NCOA5: variants seen among roughly 807,000 people sequenced by gnomAD.
The protein encoded by NCOA5 is nuclear receptor coactivator 5.
NCOA5 carries 12 observed loss-of-function variants against 59.0 expected under a neutral mutation model. The ratio of observed to expected loss-of-function variants is 0.20; its 90% CI spans 0.13 to 0.33. The LOEUF is 0.33. Ranked by LOEUF, NCOA5 falls within the 10% of genes least tolerant of loss-of-function variation. The probability of loss-of-function intolerance (pLI) is 1.00; values close to 1 mark genes in which losing one functional copy is unlikely to be tolerated. For synonymous variants in NCOA5, 270 were observed against 275.5 expected (o/e 0.98, Z 0.20); for missense variants, 655 against 766.6 (o/e 0.85, Z 1.72).
At chr20:46,083,531 G>T (rs1187815400) in intron 1 of NCOA5, among the ~76,000 whole-genome samples, 1 of 152,128 alleles carries the variant, frequency 6.6e-6, no homozygotes, top group Non-Finnish European at 1.5e-5. Flanking sequence ...TCTAAACTAA[G>T]TGTGCTGTAA....
At chr20:46,077,074 C>T (rs933680141) in intron 2 of NCOA5, among the ~76,000 whole-genome samples, 15 of 152,194 alleles carry the variant, frequency 9.9e-5, no homozygotes, top group Middle Eastern at 3.4e-3. Flanking sequence ...AGAGCCATGA[C>T]GCCCGGCTAT....
At chr20:46,077,371 T>C (rs1423143924) in intron 2 of NCOA5, among the ~76,000 whole-genome samples, 6 of 152,216 alleles carry the variant, frequency 3.9e-5, no homozygotes, top group African/African-American at 7.2e-5. Flanking sequence ...ACCAGGGAAG[T>C]TGGTCATTCC....
chr20:46,062,110 A>C lies in NCOA5; in HGVS notation c.*190T>G. On this transcript the variant is annotated 3_prime_UTR_variant, in exon 8 of 8. Transcript: ENST00000290231. ...AAAACAAAAAAAGATACAGCCCCAA[A>C]TGCAGTATAAACTTTGTAAGGAATA... 2 of 523,306 alleles carry C rather than the reference A, an allele frequency of 3.8e-6. No individual in the cohort carries two copies. The highest frequency in any genetic ancestry group is 6.7e-6 in the Non-Finnish European group (2 of 298,138). The allele number at this position is 523,306 out of a possible 1,614,324, so 32.4% of individuals were successfully genotyped here.
At chr20:46,076,984 C>T (rs552971441) in intron 2 of NCOA5, among the ~76,000 whole-genome samples, 74 of 152,244 alleles carry the variant, frequency 4.9e-4, no homozygotes, top group Admixed American at 1.2e-3. Flanking sequence ...GGTGTGATCA[C>T]GGCTCACTGC....
At position 46,063,402 on chromosome 20, in the gene NCOA5, G is replaced by A; in HGVS notation, c.1108C>T (p.Arg370Trp). The change falls in exon 7 of 8, where the codon CGG becomes TGG. Residue 370 changes from arginine to tryptophan, a missense_variant. Coordinates refer to ENST00000290231, the MANE Select transcript of NCOA5 (RefSeq NM_020967.3). Reference sequence around the variant, plus strand: ...CTGCTCCTCATCAGCCGCTCCTTCCGCTCTCGCAGGTAGTTGATGATCTTG... The same window carrying A: ...CTGCTCCTCATCAGCCGCTCCTTCCACTCTCGCAGGTAGTTGATGATCTTG... ...TDKIINYLRE[R>W]KERLMRSSTD... The A allele has an allele frequency of 2.5e-6, 4 of 1,613,862 alleles. No homozygotes were observed. The highest frequency in any genetic ancestry group is 2.2e-5 in the South Asian group (2 of 91,066).
intron 2 of NCOA5, among the ~76,000 whole-genome samples, chr20:46,073,860 G>C (rs1032576305): frequency 6.6e-6 from 1 of 152,124 alleles, no homozygotes; most frequent in African/African-American, 2.4e-5. Context: ...CTCTAGATTC[G>C]CAAAGTCTGG....
rs1288835116 is a variant in NCOA5, at chr20:46,061,274, G to C, written c.*1026C>G. 2 of 152,634 alleles carry C rather than the reference G, an allele frequency of 1.3e-5. No individual in the cohort carries two copies. The highest frequency in any genetic ancestry group is 6.5e-5 in the Admixed American group (1 of 15,272). 9.5% of individuals were successfully genotyped at this position (152,634 alleles called of 1,614,324 possible). A position where few individuals can be genotyped will look rare whatever the true frequency, so the allele number is the denominator to read the frequency against. On this transcript the variant is annotated 3_prime_UTR_variant, in exon 8 of 8. Coordinates refer to ENST00000290231, the MANE Select transcript of NCOA5 (RefSeq NM_020967.3). ...GGGCAGCTTCCTGGGGCTCCATTTAGAACCACAGCCAGAAACCCTCCTTCT... is the reference window on the plus strand; with the variant it reads ...GGGCAGCTTCCTGGGGCTCCATTTACAACCACAGCCAGAAACCCTCCTTCT...
rs1952570573 is a variant in NCOA5 at position 46,063,219 on chromosome 20, G to A, written c.1150+141C>T. The A allele has an allele frequency of 8.1e-6, 6 of 741,774 alleles. No individual in the cohort carries two copies. The South Asian group carries it at 9.3e-5, about 12-fold the overall frequency. The allele number at this position is 741,774 out of a possible 1,614,324, so 45.9% of individuals were successfully genotyped here. ...TTATTAACATTATATCAGCATGGGT[G>A]GCCCACGGGAGAACCCAAGGGATGG... is the stretch of plus-strand genomic sequence containing the variant. On this transcript the variant is annotated intron_variant, in intron 7 of 7. Coordinates refer to ENST00000290231, the MANE Select transcript of NCOA5 (RefSeq NM_020967.3).
At chr20:46,080,709 C>A (rs1384798510) in intron 1 of NCOA5, among the ~76,000 whole-genome samples, 2 of 152,002 alleles carry the variant, frequency 1.3e-5, no homozygotes, top group Middle Eastern at 6.8e-3. Context: ...TGGCTTCTGA[C>A]AAAACTGAAA....
At chr20:46,073,595 T>C (rs2084907173) in intron 2 of NCOA5, among the ~76,000 whole-genome samples, 1 of 152,206 alleles carries the variant, frequency 6.6e-6, no homozygotes, top group South Asian at 2.1e-4. Flanking sequence ...GGGGAGCAGT[T>C]AGAAGTAGTC....
intron 1 of NCOA5, among the ~76,000 whole-genome samples, chr20:46,085,743 T>C (rs773733296): frequency 5.9e-5 from 9 of 152,284 alleles, no homozygotes; most frequent in Admixed American, 5.2e-4. Context: ...TAGATCCAGA[T>C]TGCAAAACAC....
In NCOA5 at chr20:46,061,903, G is replaced by A. The variant is rs1351775204; in HGVS notation, c.*397C>T. ...GCTCTGGTCAATGTGTATGAAGCTG[G>A]AAAGCCTTGGTAGGTTCACAATGAA... On this transcript the variant is annotated 3_prime_UTR_variant, in exon 8 of 8. Coordinates refer to ENST00000290231, the MANE Select transcript of NCOA5 (RefSeq NM_020967.3). 1.2e-5 allele frequency: 2 copies of A among 164,786 alleles called. No individual in the cohort carries two copies. Among genetic ancestry groups the A allele is most frequent in the African/African-American group, 2.4e-5 (1 of 41,628 alleles). 10.2% of individuals were successfully genotyped at this position (164,786 alleles called of 1,614,324 possible). A position where few individuals can be genotyped will look rare whatever the true frequency, so the allele number is the denominator to read the frequency against.
In NCOA5 at chr20:46,067,293, C is replaced by T. The variant is rs1042555644; in HGVS notation, c.503-112G>A. The T allele has an allele frequency of 2.4e-5, 30 of 1,236,214 alleles. No homozygotes were observed. In the Admixed American group the frequency reaches 4.2e-4, roughly 17 times the overall value. The allele number at this position is 1,236,214 out of a possible 1,614,324, so 76.6% of individuals were successfully genotyped here. A position where few individuals can be genotyped will look rare whatever the true frequency, so the allele number is the denominator to read the frequency against. ...TCTGAATCAATCCTCTGGTCTATCT[C>T]CTAAAAACAGCCAGTATTAATATTT... On this transcript the variant is annotated intron_variant, in intron 4 of 7. Coordinates refer to ENST00000290231, the MANE Select transcript of NCOA5 (RefSeq NM_020967.3).
chr20:46,061,792 T>C lies in NCOA5; in HGVS notation c.*508A>G, dbSNP rs942690253. On this transcript the variant is annotated 3_prime_UTR_variant, in exon 8 of 8. Coordinates refer to ENST00000290231, the MANE Select transcript of NCOA5 (RefSeq NM_020967.3). Reference sequence around the variant, plus strand: ...AATCCTCAAGCAGACCCCAAACATATGGGGTGAGGGTATGATGACACTGTG... The same window carrying C: ...AATCCTCAAGCAGACCCCAAACATACGGGGTGAGGGTATGATGACACTGTG... 2 of 152,588 alleles carry C rather than the reference T, an allele frequency of 1.3e-5. No homozygotes were observed. The highest frequency in any genetic ancestry group is 2.9e-5 in the Non-Finnish European group (2 of 68,412). The allele number at this position is 152,588 out of a possible 1,614,324, so 9.5% of individuals were successfully genotyped here.
intron 1 of NCOA5, among the ~76,000 whole-genome samples, chr20:46,080,756 T>C (rs1305248152): frequency 9.2e-5 from 14 of 152,104 alleles, no homozygotes; most frequent in Admixed American, 9.2e-4. Context: ...TATCTTAAAT[T>C]GATTCTTACC....
rs747394313 is a variant in NCOA5 at position 46,070,245 on chromosome 20, G to A, written c.330C>T (p.Tyr110=). 7 of 1,614,086 alleles carry A rather than the reference G, an allele frequency of 4.3e-6. No individual in the cohort carries two copies. In the South Asian group the frequency reaches 6.6e-5, roughly 15 times the overall value. Residue 110 remains tyrosine (Y), a synonymous_variant, in exon 3 of 8, where the codon TAC becomes TAT. Coordinates refer to ENST00000290231, the MANE Select transcript of NCOA5 (RefSeq NM_020967.3). ...GATCTCGGGAGTCTCTCATGTCTCTGTATCTGTCGTACATGGGGTCTCGCT... is the reference window on the plus strand; with the variant it reads ...GATCTCGGGAGTCTCTCATGTCTCTATATCTGTCGTACATGGGGTCTCGCT... ...RDQRDPMYDR[Y]RDMRDSRDPM...
At position 46,070,304 on chromosome 20, in the gene NCOA5, G is replaced by A. The variant is rs371556953; in HGVS notation, c.271C>T (p.Arg91Cys). ...VRDVRDLRDFRDLRDSRDFRD... is the reference protein window; with the variant it reads ...VRDVRDLRDFCDLRDSRDFRD... ...AAATCCCTAGAGTCTCTTAGATCACGAAAGTCTCTAAGATCCCTCACGTCC... is the reference window on the plus strand; with the variant it reads ...AAATCCCTAGAGTCTCTTAGATCACAAAAGTCTCTAAGATCCCTCACGTCC... The change falls in exon 3 of 8, where the codon CGT (arginine) becomes TGT (cysteine). Residue 91 changes from arginine to cysteine, a missense_variant. Arg to Cys is a radical substitution (Grantham distance 180). This residue lies in a region of NCOA5 where 250 missense variants were observed against 260.1 expected (regional missense o/e 0.96). Coordinates refer to ENST00000290231, the MANE Select transcript of NCOA5 (RefSeq NM_020967.3). The A allele has an allele frequency of 3.5e-5, 57 of 1,613,786 alleles. 1 individual carries two copies. The Middle Eastern group carries it at 8.2e-4, about 23-fold the overall frequency.
At position 46,061,175 on chromosome 20, in the gene NCOA5, C is replaced by G. The variant is rs912588727; in HGVS notation, c.*1125G>C. 1.3e-5 allele frequency: 2 copies of G among 152,320 alleles called. No homozygotes were observed. The highest frequency in any genetic ancestry group is 2.4e-5 in the African/African-American group (1 of 41,416). 9.4% of individuals were successfully genotyped at this position (152,320 alleles called of 1,614,324 possible). A position where few individuals can be genotyped will look rare whatever the true frequency, so the allele number is the denominator to read the frequency against. On this transcript the variant is annotated 3_prime_UTR_variant, in exon 8 of 8. Transcript: ENST00000290231. ...GGCAGGGACTCAGCTGAAGTCGCTG[C>G]TCTCCCTCACCCCTGCTAGAGGACC... is the stretch of plus-strand genomic sequence containing the variant.
chr20:46,079,096 A>G (rs947201411), intron 2 of NCOA5, among the ~76,000 whole-genome samples: 8 of 152,122 alleles, frequency 5.3e-5, no homozygotes, highest in East Asian at 1.9e-4. Flanking sequence ...GAGGCTCCCA[A>G]TGACACGTGA....
Sources: allele counts gnomAD v4.1 joint callset (sites outside exome capture counted in the v4.1 genomes callset), GRCh38; gene constraint gnomAD v4.1.1; regional missense constraint gnomAD v4.1.1; transcripts MANE v1.5; gene names NCBI Gene and HGNC (gene_info 2026-07-23, HGNC 2026-07-21).